ANKFN1: variants seen among roughly 807,000 people sequenced by gnomAD.
ANKFN1 encodes ankyrin repeat and fibronectin type III domain containing 1.
Under a neutral mutation model 108.7 loss-of-function variants are expected in ANKFN1, and 74 were observed. That is an observed-to-expected ratio of 0.68 (90% CI 0.56 to 0.83). ANKFN1 has a LOEUF of 0.83. ANKFN1 is among the 40% of genes least tolerant of loss of function. ANKFN1 has a pLI of 0.00. For missense variants in ANKFN1, 1,505 were observed against 1,382.3 expected (o/e 1.09, Z -1.41); for synonymous variants, 547 against 516.2 (o/e 1.06, Z -0.81).
chr17:56,140,126 T>C (rs1178559808), intron 4 of ANKFN1, among the ~76,000 whole-genome samples: 1 of 152,248 alleles, frequency 6.6e-6, no homozygotes, highest in Non-Finnish European at 1.5e-5. Flanking sequence ...ACATTACTGA[T>C]CTTTCTAGAA....
At chr17:56,281,851 T>C (rs1249746689) in intron 3 of ANKFN1, among the ~76,000 whole-genome samples, 1 of 152,204 alleles carries the variant, frequency 6.6e-6, no homozygotes, top group African/African-American at 2.4e-5. Context: ...TTGGTAAAGA[T>C]GTAGACAACT....
intron 8 of ANKFN1, among the ~76,000 whole-genome samples, chr17:56,420,588 A>G (rs1028187776): frequency 5.3e-5 from 8 of 151,886 alleles, no homozygotes; most frequent in Non-Finnish European, 5.9e-5. Context: ...TTCAGCATAT[A>G]TGAGAACCCA....
chr17:56,315,953 C>T (rs62075284), intron 3 of ANKFN1, among the ~76,000 whole-genome samples: 16,934 of 152,238 alleles, frequency 0.11, 1,011 homozygotes, highest in Middle Eastern at 0.17. Context: ...ACCTCTTCAA[C>T]TTTCTTTTTG....
At chr17:56,394,708 A>T (rs1326399528) in intron 8 of ANKFN1, among the ~76,000 whole-genome samples, 1 of 152,170 alleles carries the variant, frequency 6.6e-6, no homozygotes, top group Non-Finnish European at 1.5e-5. Context: ...CTCAAGGCAC[A>T]TGCAGACTCA....
At chr17:56,442,760 T>C (rs1361512416) in intron 9 of ANKFN1, 83 bp from the exon 10 acceptor site, 8 of 1,219,348 alleles carry the variant, frequency 6.6e-6, no homozygotes, top group Non-Finnish European at 9.4e-6. Context: ...TAATCACACA[T>C]AGTTATTAAA....
chr17:56,447,978 G>A (rs1192812576), intron 10 of ANKFN1, among the ~76,000 whole-genome samples: 1 of 152,170 alleles, frequency 6.6e-6, no homozygotes, highest in Non-Finnish European at 1.5e-5. Flanking sequence ...ACTATGGAAT[G>A]CTTTTATATA....
intron 3 of ANKFN1, among the ~76,000 whole-genome samples, chr17:56,311,391 T>C (rs76143725): frequency 6.6e-6 from 1 of 152,140 alleles, no homozygotes; most frequent in Admixed American, 6.5e-5. Flanking sequence ...CAAGTACAGG[T>C]TGAGCATCCC....
At chr17:56,488,029 T>A (rs2050909609) in intron 18 of ANKFN1, among the ~76,000 whole-genome samples, 1 of 152,110 alleles carries the variant, frequency 6.6e-6, no homozygotes, top group South Asian at 2.1e-4. Flanking sequence ...GCTACTTATA[T>A]AACACTAAGA....
At position 56,416,152 on chromosome 17, in the gene ANKFN1, G is replaced by A. The variant is rs185147431; in HGVS notation, c.911-24175G>A. Among the ~76,000 whole-genome samples the A allele has an allele frequency of 3.9e-3, 597 of 152,170 alleles. 2 individuals carry two copies. Among genetic ancestry groups the A allele is most frequent in the African/African-American group, 0.013 (526 of 41,524 alleles). On this transcript the variant is annotated intron_variant, in intron 8 of 20. Transcript: ENST00000682825. The stretch of plus-strand genomic sequence containing the variant: ...GAAAATCTCCAGGACATTGGTCTAC[G>A]TAAAAATTTCTTCAGTAATATCCCG...
chr17:56,196,641 T>A (rs1279778217), intron 1 of ANKFN1, among the ~76,000 whole-genome samples: 1 of 152,102 alleles, frequency 6.6e-6, no homozygotes, highest in African/African-American at 2.4e-5. Context: ...CTCAGGAGGC[T>A]GAGGTGGGAG....
chr17:56,396,921 C>G (rs2047605500), intron 8 of ANKFN1, among the ~76,000 whole-genome samples: 1 of 152,004 alleles, frequency 6.6e-6, no homozygotes, highest in African/African-American at 2.4e-5. Flanking sequence ...GTTTCTTCCC[C>G]CATCTTGATT....
intron 1 of ANKFN1, among the ~76,000 whole-genome samples, chr17:56,210,065 G>C (rs866447122): frequency 3.4e-5 from 4 of 118,770 alleles, no homozygotes; most frequent in African/African-American, 1.0e-4. Context: ...TAGATACATA[G>C]ATAGATAGAT....
intron 4 of ANKFN1, among the ~76,000 whole-genome samples, chr17:56,350,185 A>T (rs1234768312): frequency 6.6e-6 from 1 of 152,130 alleles, no homozygotes; most frequent in Non-Finnish European, 1.5e-5. Context: ...ATGGGTACAA[A>T]TTCCCCAAAT....
intron 3 of ANKFN1, among the ~76,000 whole-genome samples, chr17:56,267,699 G>C (rs966685974): frequency 6.6e-6 from 1 of 152,122 alleles, no homozygotes; most frequent in Non-Finnish European, 1.5e-5. Context: ...AGACCAGATG[G>C]TTGTATGTGT....
chr17:56,380,348 T>C (rs976423743), intron 8 of ANKFN1, among the ~76,000 whole-genome samples: 6 of 152,238 alleles, frequency 3.9e-5, no homozygotes, highest in African/African-American at 1.4e-4. Flanking sequence ...CAGCTCCCAG[T>C]GTGAGCAATG....
intron 8 of ANKFN1, among the ~76,000 whole-genome samples, chr17:56,432,282 G>C (rs1004137299): frequency 1.5e-4 from 23 of 152,132 alleles, no homozygotes; most frequent in African/African-American, 5.3e-4. Context: ...GATATGGCAG[G>C]GTTTCAAGGA....
chr17:56,264,774 C>T (rs1267646927), intron 3 of ANKFN1, among the ~76,000 whole-genome samples: 3 of 152,158 alleles, frequency 2.0e-5, no homozygotes, highest in African/African-American at 7.2e-5. Context: ...TTGTAAATGA[C>T]TACATTGGGC....
chr17:56,280,008 CTT>C (rs3086033), intron 3 of ANKFN1, among the ~76,000 whole-genome samples: 9 of 134,848 alleles, frequency 6.7e-5, no homozygotes, highest in South Asian at 2.3e-4. Flanking sequence ...CACATAATGT[CTT>C]TTTTTTTTTT....
At chr17:56,063,407 T>G (rs750050566) in intron 4 of ANKFN1, among the ~76,000 whole-genome samples, 34 of 152,208 alleles carry the variant, frequency 2.2e-4, no homozygotes, top group South Asian at 4.2e-4. Flanking sequence ...TTTGGTCTTT[T>G]TATGAAATCT....
Sources: gnomAD v4.1 joint callset for allele counts (sites outside exome capture counted in the v4.1 genomes callset) on GRCh38, gnomAD v4.1.1 for gene constraint, MANE v1.5 for transcripts, NCBI Gene and HGNC (gene_info 2026-07-23, HGNC 2026-07-21) for gene names.